Variants in EXOC6B observed in about 807,000 individuals in gnomAD.
EXOC6B encodes the protein exocyst complex component 6B, also known as SEC15 homolog B.
In EXOC6B, 54 loss-of-function variants were observed where a neutral mutation model predicts 113.5. The ratio of observed to expected loss-of-function variants is 0.48; its 90% CI spans 0.38 to 0.60. The LOEUF (loss-of-function observed/expected upper bound fraction) is 0.60, where lower values mean the gene tolerates loss of function less well. EXOC6B is among the 20% of genes least tolerant of loss of function. The probability of loss-of-function intolerance (pLI) is 0.00; values close to 1 mark genes in which losing one functional copy is unlikely to be tolerated. For missense variants in EXOC6B, 797 were observed against 977.5 expected, an observed-to-expected ratio of 0.82 and a Z score of 2.46; for synonymous variants, 357 against 339.0, an observed-to-expected ratio of 1.05 and a Z score of -0.58.
intron 19 of EXOC6B, among the ~76,000 whole-genome samples, chr2:72,376,261 C>A (rs1014163546): frequency 1.3e-5 from 2 of 152,130 alleles, no homozygotes; most frequent in Non-Finnish European, 2.9e-5. Context: ...GTGACAAATT[C>A]TCTCAGCTTC....
chr2:72,232,006 GCT>G (rs1681653421), intron 20 of EXOC6B, among the ~76,000 whole-genome samples: 1 of 151,880 alleles, frequency 6.6e-6, no homozygotes, highest in African/African-American at 2.4e-5. Context: ...AGACAGTCTG[GCT>G]CTGTCACCCA....
intron 20 of EXOC6B, among the ~76,000 whole-genome samples, chr2:72,330,015 T>C (rs2104861207): frequency 6.6e-6 from 1 of 152,218 alleles, no homozygotes; most frequent in East Asian, 1.9e-4. Context: ...GATGGCTTGC[T>C]GTATGAGAGT....
At chr2:72,657,853 T>C (rs1674709294) in intron 6 of EXOC6B, among the ~76,000 whole-genome samples, 1 of 151,594 alleles carries the variant, frequency 6.6e-6, no homozygotes, top group Admixed American at 6.6e-5. Flanking sequence ...AATATACTAC[T>C]TGACTTTAAA....
At chr2:72,616,791 C>T (rs1197702211) in intron 6 of EXOC6B, among the ~76,000 whole-genome samples, 1 of 152,038 alleles carries the variant, frequency 6.6e-6, no homozygotes, top group Non-Finnish European at 1.5e-5. Flanking sequence ...CAATCCAGCC[C>T]CTCCCAAATT....
chr2:72,480,656 G>C lies in EXOC6B; in HGVS notation c.1760C>G (p.Thr587Arg). Residue 587 changes from threonine (T) to arginine (R), a missense_variant, in exon 17 of 22, where the codon ACA (threonine) becomes AGA (arginine). Coordinates refer to ENST00000272427, the MANE Select transcript of EXOC6B (RefSeq NM_015189.3). ...ITNITNVLPE[T>R]VHTTKLYGTT... The stretch of plus-strand genomic sequence containing the variant: ...GCCATAGAGCTTGGTAGTGTGAACT[G>C]TCTCTGGAAGCACATTAGTGATGTT... 6.3e-7 allele frequency: 1 copy of C among 1,588,856 alleles called. No individual in the cohort carries two copies. Among genetic ancestry groups the C allele is most frequent in the Non-Finnish European group, 8.6e-7 (1 of 1,166,050 alleles).
At chr2:72,400,999 A>G (rs1693108058) in intron 18 of EXOC6B, among the ~76,000 whole-genome samples, 1 of 152,078 alleles carries the variant, frequency 6.6e-6, no homozygotes, top group Non-Finnish European at 1.5e-5. Context: ...TCATATATTT[A>G]TCACAGCACT....
intron 2 of EXOC6B, among the ~76,000 whole-genome samples, chr2:72,737,046 C>A (rs1681012980): frequency 6.6e-6 from 1 of 152,090 alleles, no homozygotes; most frequent in Non-Finnish European, 1.5e-5. Context: ...TACTAAGATT[C>A]TTTAATATGG....
chr2:72,359,273 A>G (rs1350822726), intron 19 of EXOC6B, among the ~76,000 whole-genome samples: 1 of 152,214 alleles, frequency 6.6e-6, no homozygotes, highest in Non-Finnish European at 1.5e-5. Context: ...ATTAGGGCAT[A>G]AGGGCTCAGC....
chr2:72,344,829 G>T (rs1404974302), intron 19 of EXOC6B, among the ~76,000 whole-genome samples: 1 of 151,960 alleles, frequency 6.6e-6, no homozygotes, highest in East Asian at 1.9e-4. Flanking sequence ...GAGAAGTAGG[G>T]GGAAAAAAAA....
At chr2:72,706,034 G>C (rs776048482) in intron 6 of EXOC6B, among the ~76,000 whole-genome samples, 1 of 152,138 alleles carries the variant, frequency 6.6e-6, no homozygotes, top group South Asian at 2.1e-4. Flanking sequence ...AAGAATAAAT[G>C]TATCAGTTAC....
chr2:72,222,250 C>T (rs1442338613), intron 20 of EXOC6B, among the ~76,000 whole-genome samples: 1 of 152,196 alleles, frequency 6.6e-6, no homozygotes, highest in Non-Finnish European at 1.5e-5. Context: ...CCACTCTACA[C>T]TGCTCTAGGA....
intron 20 of EXOC6B, among the ~76,000 whole-genome samples, chr2:72,297,429 C>T (rs1303971433): frequency 6.6e-6 from 1 of 152,136 alleles, no homozygotes; most frequent in Non-Finnish European, 1.5e-5. Context: ...CTCTTTGTGT[C>T]TGTGTGTTCC....
intron 6 of EXOC6B, among the ~76,000 whole-genome samples, chr2:72,668,324 A>C (rs1381085699): frequency 1.3e-5 from 2 of 152,214 alleles, no homozygotes; most frequent in East Asian, 3.8e-4. Flanking sequence ...TGGAAATGTA[A>C]ATTAGTCTAG....
chr2:72,320,295 A>G (rs1286218465), intron 20 of EXOC6B, among the ~76,000 whole-genome samples: 2 of 151,736 alleles, frequency 1.3e-5, no homozygotes, highest in Non-Finnish European at 2.9e-5. Context: ...ACTTTGAAAA[A>G]GAAGAAAAAG....
intron 18 of EXOC6B, among the ~76,000 whole-genome samples, chr2:72,401,566 C>CATATATATATATACACATATAT (rs1693234990): frequency 1.3e-4 from 2 of 14,886 alleles, no homozygotes; most frequent in Non-Finnish European, 2.4e-4. Flanking sequence ...TATATATATA[C>CATATATATATATACACATATAT]ATATATATAT....
chr2:72,663,270 A>C (rs536964913), intron 6 of EXOC6B, among the ~76,000 whole-genome samples: 8 of 152,346 alleles, frequency 5.3e-5, no homozygotes, highest in African/African-American at 1.9e-4. Flanking sequence ...GAAAGAAGCC[A>C]GTCTCAAAAG....
intron 8 of EXOC6B, among the ~76,000 whole-genome samples, chr2:72,522,459 G>A (rs1273827122): frequency 3.3e-5 from 5 of 151,456 alleles, no homozygotes; most frequent in African/African-American, 7.3e-5. Flanking sequence ...TGTTTTCTAC[G>A]TTGTTTATCT....
intron 7 of EXOC6B, among the ~76,000 whole-genome samples, chr2:72,563,376 T>C (rs1703995711): frequency 6.6e-6 from 1 of 152,136 alleles, no homozygotes; most frequent in African/African-American, 2.4e-5. Context: ...CAATACATGA[T>C]TCTTACATTT....
intron 6 of EXOC6B, among the ~76,000 whole-genome samples, chr2:72,641,263 C>T (rs933928401): frequency 1.3e-5 from 2 of 152,196 alleles, no homozygotes; most frequent in Non-Finnish European, 2.9e-5. Flanking sequence ...GGCGGGGCAT[C>T]GCCTCACCTG....
Sources: allele counts gnomAD v4.1 joint callset (sites outside exome capture counted in the v4.1 genomes callset), GRCh38; gene constraint gnomAD v4.1.1; transcripts MANE v1.5; gene names NCBI Gene and HGNC (gene_info 2026-07-23, HGNC 2026-07-21).